The following CLASP1 variants were observed in gnomAD, a reference collection of about 807,000 sequenced individuals.
The protein encoded by CLASP1 is cytoplasmic linker associated protein 1.
A neutral mutation model predicts 192.3 loss-of-function variants in CLASP1; 38 were observed. The observed-to-expected ratio is 0.20, with a 90% confidence interval of 0.15 to 0.26. CLASP1 has a LOEUF of 0.26. Among genes scored for constraint, CLASP1 ranks in the 10% least tolerant of loss-of-function variants. The pLI, the probability that CLASP1 is intolerant of heterozygous loss-of-function variation, is 1.00. For synonymous variants in CLASP1, 691 were observed against 712.8 expected (o/e 0.97, Z 0.49); for missense variants, 1,433 against 1,932.5 (o/e 0.74, Z 4.85).
intron 2 of CLASP1, among the ~76,000 whole-genome samples, chr2:121,594,454 A>G (rs1043627778): frequency 4.0e-5 from 6 of 150,364 alleles, no homozygotes; most frequent in East Asian, 2.0e-4. Context: ...GTGCAGTGGC[A>G]TGATCTCAGG....
Position 121,469,796 on chromosome 2 carries a change from G to A in CLASP1, c.865+12C>T, listed in dbSNP as rs769485850. On this transcript the variant is annotated intron_variant, in intron 9 of 39. Transcript: ENST00000263710. ...AGCTGACCCCAGAACGCCACACAGG[G>A]CTTAGACTAACCTGAAGACTTGGAT... 6 of 1,608,452 alleles carry A rather than the reference G, an allele frequency of 3.7e-6. No individual in the cohort carries two copies. The highest frequency in any genetic ancestry group is 5.1e-6 in the Non-Finnish European group (6 of 1,177,916).
At chr2:121,611,366 T>A (rs377566063) in intron 1 of CLASP1, among the ~76,000 whole-genome samples, 763 of 29,954 alleles carry the variant, frequency 0.025, no homozygotes, top group Admixed American at 0.038. Context: ...GAGGAGGAGG[T>A]GTTGGAGGAG....
chr2:121,642,273 C>T (rs2072239596), intron 1 of CLASP1, among the ~76,000 whole-genome samples: 1 of 148,780 alleles, frequency 6.7e-6, no homozygotes, highest in South Asian at 2.1e-4. Context: ...CAAAAATTAG[C>T]AAGGGTGGTG....
intron 31 of CLASP1, among the ~76,000 whole-genome samples, chr2:121,387,473 G>C (rs879600880): frequency 2.6e-5 from 4 of 152,046 alleles, no homozygotes; most frequent in Admixed American, 2.6e-4. Context: ...AGACAAAATT[G>C]AGCACTTGCA....
At chr2:121,394,567 G>A (rs755560590) in intron 30 of CLASP1, among the ~76,000 whole-genome samples, 2 of 152,186 alleles carry the variant, frequency 1.3e-5, no homozygotes, top group Non-Finnish European at 2.9e-5. Flanking sequence ...GATGTTATGT[G>A]TCTAGGTGTG....
chr2:121,511,876 A>C (rs2150323108), intron 7 of CLASP1, among the ~76,000 whole-genome samples: 1 of 152,300 alleles, frequency 6.6e-6, no homozygotes, highest in African/African-American at 2.4e-5. Context: ...AAAATAAGTG[A>C]TGTCTCAGAG....
chr2:121,410,747 T>G, intron 24 of CLASP1, 119 bp downstream of exon 25: 2 of 590,520 alleles, frequency 3.4e-6, no homozygotes, highest in Non-Finnish European at 5.8e-6. Flanking sequence ...TTAACACAAT[T>G]TTAAAGAGTT....
chr2:121,596,801 G>A (rs1380088626), intron 2 of CLASP1, among the ~76,000 whole-genome samples: 2 of 152,174 alleles, frequency 1.3e-5, no homozygotes, highest in Non-Finnish European at 2.9e-5. Context: ...CCGCATGACA[G>A]AATTTATACA....
intron 8 of CLASP1, chr2:121,470,239 C>T (rs1293484289): frequency 1.9e-6 from 1 of 522,728 alleles, no homozygotes; most frequent in African/African-American, 1.9e-5. Flanking sequence ...TCTCATAAAA[C>T]CACCACCTTG....
chr2:121,398,389 G>A (rs770183210), exon 29 of CLASP1: 66 of 1,589,618 alleles, frequency 4.2e-5, no homozygotes, highest in Non-Finnish European at 5.4e-5. Flanking sequence ...TTGATCAAAT[G>A]GAAAGGAGTC....
chr2:121,518,723 A>AT (rs552310442), intron 6 of CLASP1, among the ~76,000 whole-genome samples: 73 of 151,924 alleles, frequency 4.8e-4, no homozygotes, highest in Non-Finnish European at 8.8e-4. Context: ...CAAAAAAAAA[A>AT]AACTTTAGCT....
chr2:121,399,291 T>G (rs2075794691), intron 28 of CLASP1, among the ~76,000 whole-genome samples: 1 of 152,188 alleles, frequency 6.6e-6, no homozygotes, highest in South Asian at 2.1e-4. Flanking sequence ...TAATTACTAA[T>G]AAAAAGTAAA....
At chr2:121,589,357 C>T (rs574569099) in intron 2 of CLASP1, among the ~76,000 whole-genome samples, 4 of 152,240 alleles carry the variant, frequency 2.6e-5, no homozygotes, top group East Asian at 1.9e-4. Context: ...AGGCCGGGTG[C>T]GGTGGCTCAC....
intron 19 of CLASP1, among the ~76,000 whole-genome samples, chr2:121,437,241 G>C (rs1297429951): frequency 2.0e-5 from 3 of 152,132 alleles, no homozygotes; most frequent in African/African-American, 7.2e-5. Flanking sequence ...AAGATTACAG[G>C]TGTGAGCCAC....
At chr2:121,387,581 G>A (rs2015439) in intron 31 of CLASP1, among the ~76,000 whole-genome samples, 182 bp downstream of exon 32, 12,431 of 152,122 alleles carry the variant, frequency 0.082, 590 homozygotes, top group African/African-American at 0.12. Flanking sequence ...GAGAAAAAAC[G>A]GCATACTTAA....
chr2:121,451,718 G>A lies in CLASP1; in HGVS notation c.1445+72C>T, dbSNP rs1358911098. On this transcript the variant is annotated intron_variant, in intron 15 of 39. Coordinates refer to ENST00000263710, the Ensembl canonical transcript of CLASP1. ...CCTCCATTCTTACAGAAAGCCAGCT[G>A]GACCACTCACCAAAGCATTCACTCT... 8 of 1,191,776 alleles carry A rather than the reference G, an allele frequency of 6.7e-6. No homozygotes were observed. The African/African-American group carries it at 9.2e-5, about 14-fold the overall frequency. The allele number at this position is 1,191,776 out of a possible 1,614,324, so 73.8% of individuals were successfully genotyped here.
At chr2:121,474,981 G>C (rs544188044) in intron 8 of CLASP1, among the ~76,000 whole-genome samples, 39 of 152,252 alleles carry the variant, frequency 2.6e-4, no homozygotes, top group African/African-American at 7.5e-4. Flanking sequence ...TAGAAACTAC[G>C]AAAAGCAAAC....
chr2:121,460,233 G>T, intron 11 of CLASP1, 108 bp from the exon 12 acceptor site: 1 of 853,404 alleles, frequency 1.2e-6, no homozygotes, highest in Non-Finnish European at 1.7e-6. Flanking sequence ...AAGTTCAACT[G>T]ATTAGAAAGC....
At chr2:121,382,253 G>A (rs1402984470) in exon 33 of CLASP1, 1 of 1,608,788 alleles carries the variant, frequency 6.2e-7, no homozygotes. Flanking sequence ...GGGAGCGGTG[G>A]GGATGGAGTT....
Sources: gnomAD v4.1 joint callset for allele counts (sites outside exome capture counted in the v4.1 genomes callset) on GRCh38, gnomAD v4.1.1 for gene constraint, MANE v1.5 for transcripts, NCBI Gene and HGNC (gene_info 2026-07-23, HGNC 2026-07-21) for gene names.